ADK: variants seen among roughly 807,000 people sequenced by gnomAD.
ADK encodes N6,N6-dimethyladenosine kinase.
A neutral mutation model predicts 44.7 loss-of-function variants in ADK; 24 were observed. The ratio of observed to expected loss-of-function variants is 0.54; its 90% CI spans 0.39 to 0.76. The LOEUF is 0.76. ADK is among the 30% of genes least tolerant of loss of function. The pLI is 0.00. For synonymous variants in ADK, 128 were observed against 142.6 expected, an observed-to-expected ratio of 0.90 and a Z score of 0.73; for missense variants, 321 against 425.1, an observed-to-expected ratio of 0.76 and a Z score of 2.15.
At chr10:74,687,920 TA>T (rs138600890) in intron 10 of ADK, among the ~76,000 whole-genome samples, 1 of 152,342 alleles carries the variant, frequency 6.6e-6, no homozygotes, top group African/African-American at 2.4e-5. Context: ...ATAGCCAAAA[TA>T]ATCACTTTAG....
intron 1 of ADK, among the ~76,000 whole-genome samples, chr10:74,189,007 G>A (rs1388001884): frequency 6.6e-6 from 1 of 152,038 alleles, no homozygotes; most frequent in Non-Finnish European, 1.5e-5. Flanking sequence ...TCCTGACCTC[G>A]TGATCCGCCC....
At chr10:74,260,238 A>G (rs1034652501) in intron 3 of ADK, among the ~76,000 whole-genome samples, 3 of 152,286 alleles carry the variant, frequency 2.0e-5, no homozygotes, top group South Asian at 4.1e-4. Context: ...CTCAACCTGT[A>G]GTAGAATTAT....
At chr10:74,346,109 C>G (rs1284572851) in intron 4 of ADK, among the ~76,000 whole-genome samples, 1 of 152,192 alleles carries the variant, frequency 6.6e-6, no homozygotes, top group South Asian at 2.1e-4. Context: ...GCAAGCTGGT[C>G]TCAAACTCCT....
At chr10:74,605,198 A>G (rs1169650523) in intron 9 of ADK, among the ~76,000 whole-genome samples, 1 of 152,204 alleles carries the variant, frequency 6.6e-6, no homozygotes, top group East Asian at 1.9e-4. Flanking sequence ...GACAGAGACA[A>G]TTTGACTTCC....
chr10:74,280,490 C>CT (rs1338067613), intron 3 of ADK, among the ~76,000 whole-genome samples: 1 of 150,906 alleles, frequency 6.6e-6, no homozygotes, highest in African/African-American at 2.4e-5. Context: ...AGGCTGGTGT[C>CT]TAACTTCTGG....
intron 4 of ADK, among the ~76,000 whole-genome samples, chr10:74,354,386 G>T (rs748223390): frequency 6.6e-6 from 1 of 152,084 alleles, no homozygotes; most frequent in Non-Finnish European, 1.5e-5. Flanking sequence ...TTCATAAACA[G>T]TAGAAATTTC....
At chr10:74,238,632 T>C (rs1158190243) in intron 3 of ADK, among the ~76,000 whole-genome samples, 1 of 152,190 alleles carries the variant, frequency 6.6e-6, no homozygotes, top group Admixed American at 6.5e-5. Flanking sequence ...GGAAGATTTG[T>C]GTTACCCTCA....
Position 74,556,629 on chromosome 10 carries a change from T to C in ADK, c.726+31203T>C, listed in dbSNP as rs548156835. 2.6e-5 allele frequency among the ~76,000 whole-genome samples: 4 copies of C among 152,318 alleles called. No individual in the cohort carries two copies. The East Asian group carries it at 7.7e-4, about 29-fold the overall frequency. ...ACATTTTCTAAGTCTTACTGAGCAA[T>C]TCTTAACCAATCTTAGCTTTTCTCC... On this transcript the variant is annotated intron_variant, in intron 7 of 10. Coordinates refer to ENST00000539909, the MANE Select transcript of ADK (RefSeq NM_006721.4).
intron 2 of ADK, among the ~76,000 whole-genome samples, chr10:74,223,889 G>C (rs1336887430): frequency 1.3e-5 from 2 of 152,126 alleles, no homozygotes; most frequent in Non-Finnish European, 2.9e-5. Flanking sequence ...AGGAGTTCCA[G>C]AGCAGCCTGG....
At chr10:74,256,907 G>T (rs1444353158) in intron 3 of ADK, among the ~76,000 whole-genome samples, 1 of 152,102 alleles carries the variant, frequency 6.6e-6, no homozygotes. Flanking sequence ...TTACCTCTCT[G>T]ATTTAGAGAA....
At position 74,356,002 on chromosome 10, in the gene ADK, A is replaced by AGATTGG. The variant is rs1842124692; in HGVS notation, c.274-38139_274-38138insGATTGG. On this transcript the variant is annotated intron_variant, in intron 4 of 10. Coordinates refer to ENST00000539909, the MANE Select transcript of ADK (RefSeq NM_006721.4). ...TCTGAAATATTTCACTAAATAATTC[A>AGATTGG]TTTTTTTTTTTTTTTTTTTTTTTTT... Among the ~76,000 whole-genome samples, 3 of 83,310 alleles carry AGATTGG rather than the reference A, an allele frequency of 3.6e-5. 1 individual carries two copies. Among genetic ancestry groups the AGATTGG allele is most frequent in the African/African-American group, 5.1e-5 (1 of 19,592 alleles). The allele number at this position is 83,310 out of a possible 152,430, so 54.7% of individuals were successfully genotyped here.
intron 4 of ADK, among the ~76,000 whole-genome samples, chr10:74,337,589 A>G (rs1337596371): frequency 6.6e-6 from 1 of 152,156 alleles, no homozygotes; most frequent in Non-Finnish European, 1.5e-5. Context: ...TAATCAAATC[A>G]TCTCTATAAA....
At chr10:74,653,394 G>A (rs1040634374) in intron 9 of ADK, among the ~76,000 whole-genome samples, 10 of 152,170 alleles carry the variant, frequency 6.6e-5, no homozygotes, top group African/African-American at 1.9e-4. Flanking sequence ...AGAGGTTGCA[G>A]TGAGCCGAGA....
At chr10:74,680,810 T>C (rs1274258669) in intron 10 of ADK, among the ~76,000 whole-genome samples, 2 of 152,248 alleles carry the variant, frequency 1.3e-5, no homozygotes, top group Non-Finnish European at 2.9e-5. Flanking sequence ...TCTTCAGATA[T>C]ATAAGTTCTG....
At chr10:74,329,252 G>T (rs912630988) in intron 4 of ADK, among the ~76,000 whole-genome samples, 3 of 151,718 alleles carry the variant, frequency 2.0e-5, no homozygotes, top group Non-Finnish European at 2.9e-5. Flanking sequence ...TGGTACTTTT[G>T]CTGCTGAGAT....
In ADK at chr10:74,303,585, G is replaced by GTTTTTTTTTTTTTTTTTTTTTT. The variant is rs1282565148; in HGVS notation, c.195-11080_195-11079insTTTTTTTTTTTTTTTTTTTTTT. Among the ~76,000 whole-genome samples the GTTTTTTTTTTTTTTTTTTTTTT allele has an allele frequency of 3.3e-3, 211 of 64,634 alleles. 71 individuals are homozygous for GTTTTTTTTTTTTTTTTTTTTTT. Among genetic ancestry groups the GTTTTTTTTTTTTTTTTTTTTTT allele is most frequent in the South Asian group, 4.4e-3 (9 of 2,024 alleles). The allele number at this position is 64,634 out of a possible 152,430, so 42.4% of individuals were successfully genotyped here. ...AAACACTTTTCATATTGGTTTTAAT[G>GTTTTTTTTTTTTTTTTTTTTTT]TTGTTTTTTTTTTTTTTTTTTTTTT... On this transcript the variant is annotated intron_variant, in intron 3 of 10. Coordinates refer to ENST00000539909, the MANE Select transcript of ADK (RefSeq NM_006721.4).
intron 6 of ADK, among the ~76,000 whole-genome samples, chr10:74,510,753 G>T (rs1026011985): frequency 1.3e-5 from 2 of 152,082 alleles, no homozygotes; most frequent in Non-Finnish European, 2.9e-5. Context: ...TGTCACCCAG[G>T]CTGCAGTGCA....
intron 6 of ADK, among the ~76,000 whole-genome samples, chr10:74,447,680 A>G (rs1845632602): frequency 6.6e-6 from 1 of 152,138 alleles, no homozygotes. Flanking sequence ...TCAATTTCCT[A>G]TCTTAGTTTT....
At chr10:74,197,516 A>G (rs979997777) in intron 1 of ADK, among the ~76,000 whole-genome samples, 20 of 152,058 alleles carry the variant, frequency 1.3e-4, no homozygotes, top group African/African-American at 2.4e-5. Flanking sequence ...CCTGGCCAAC[A>G]TGGTGAAACC....
Sources: gnomAD v4.1 joint callset for allele counts (sites outside exome capture counted in the v4.1 genomes callset) on GRCh38, gnomAD v4.1.1 for gene constraint, MANE v1.5 for transcripts, NCBI Gene and HGNC (gene_info 2026-07-23, HGNC 2026-07-21) for gene names.